CLGN: variants seen among roughly 807,000 people sequenced by gnomAD.
The protein encoded by CLGN is calmegin.
Under a neutral mutation model 79.1 loss-of-function variants are expected in CLGN, and 62 were observed. The ratio of observed to expected loss-of-function variants is 0.78; its 90% CI spans 0.64 to 0.97. CLGN has a LOEUF of 0.97. Ranked by LOEUF, CLGN falls within the 50% of genes least tolerant of loss-of-function variation. CLGN has a pLI of 0.00. For missense variants in CLGN, 647 were observed against 715.5 expected, an observed-to-expected ratio of 0.90 and a Z score of 1.09; for synonymous variants, 225 against 224.7, an observed-to-expected ratio of 1.00 and a Z score of -0.01.
At position 140,400,544 on chromosome 4, in the gene CLGN, G is replaced by A; in HGVS notation, c.507C>T (p.Asn169=). Reference sequence around the variant, plus strand: ...TGATATAGGATGTTTTATCATAAAAGTTTTCCTTCAAAGAGAGATGAGTGT... The same window carrying A: ...TGATATAGGATGTTTTATCATAAAAATTTTCCTTCAAAGAGAGATGAGTGT... ...LADTDDLILE[N]FYDKTSYIIM... is the part of the protein sequence containing the mutation. The change falls in exon 7 of 15, where the codon AAC becomes AAT. Residue 169 remains asparagine (N), a synonymous_variant. Transcript: ENST00000325617. The A allele has an allele frequency of 6.3e-7, 1 of 1,583,038 alleles. No individual in the cohort carries two copies. The highest frequency in any genetic ancestry group is 8.6e-7 in the Non-Finnish European group (1 of 1,160,574).
chr4:140,390,506 G>A (rs2126612107), intron 14 of CLGN, 122 bp downstream of exon 14: 1 of 533,966 alleles, frequency 1.9e-6, no homozygotes, highest in Non-Finnish European at 3.2e-6. Flanking sequence ...ACAATATAGA[G>A]GCTCTTATAA....
chr4:140,402,153 T>C (rs1729011950), intron 5 of CLGN, 87 bp from the exon 6 acceptor site: 3 of 667,722 alleles, frequency 4.5e-6, no homozygotes, highest in East Asian at 6.3e-5. Flanking sequence ...TCTCAATTCA[T>C]GTAAGTATAA....
chr4:140,399,914 T>TA (rs1479313234), intron 7 of CLGN, among the ~76,000 whole-genome samples: 2 of 152,224 alleles, frequency 1.3e-5, no homozygotes, highest in African/African-American at 4.8e-5. Context: ...GCCTACAGAA[T>TA]AAAGTCTAAA....
At chr4:140,405,323 T>C (rs960147884) in intron 5 of CLGN, among the ~76,000 whole-genome samples, 7 of 149,074 alleles carry the variant, frequency 4.7e-5, no homozygotes, top group African/African-American at 1.7e-4. Flanking sequence ...TAGCTGGGAC[T>C]ACAGGCGCCC....
intron 4 of CLGN, among the ~76,000 whole-genome samples, chr4:140,407,586 C>CAAAA (rs33994946): frequency 1.3e-3 from 162 of 127,786 alleles, no homozygotes; most frequent in African/African-American, 4.4e-3. Context: ...ACAATGGCTG[C>CAAAA]AAAAAAAAAA....
At position 140,400,471 on chromosome 4, in the gene CLGN, T is replaced by G. The variant is rs1415488190; in HGVS notation, c.580A>C (p.Ile194Leu). The change falls in exon 7 of 15, where the codon ATC (isoleucine) becomes CTC (leucine). Residue 194 changes from isoleucine (I) to leucine (L), a missense_variant. Ile to Leu is a conservative substitution (Grantham distance 5). Transcript: ENST00000325617. ...KCGEDYKLHF[I>L]FRHKHPKTGV... Reference sequence around the variant, plus strand: ...GTTTTGGGATGTTTATGTCTGAAGATAAAATGAAGTTTATAATCTTCTCCA... The same window carrying G: ...GTTTTGGGATGTTTATGTCTGAAGAGAAAATGAAGTTTATAATCTTCTCCA... The G allele has an allele frequency of 2.5e-6, 4 of 1,606,050 alleles. No homozygotes were observed. The African/African-American group carries it at 5.4e-5, about 21-fold the overall frequency.
chr4:140,405,545 A>G (rs910222177), intron 5 of CLGN, among the ~76,000 whole-genome samples: 1 of 152,340 alleles, frequency 6.6e-6, no homozygotes, highest in African/African-American at 2.4e-5. Flanking sequence ...TATATAGTTT[A>G]TGACAGCAGA....
rs750176046 is a variant in CLGN, at chr4:140,406,095, A to G, written c.278-12T>C. The stretch of plus-strand genomic sequence containing the variant: ...AATTTCCCATCTTCCTAAAAAATAA[A>G]GCAAAGCAAATTAAACTAAAACAGA... On this transcript the variant is annotated splice_polypyrimidine_tract_variant and intron_variant, in intron 4 of 14. Transcript: ENST00000325617. 3.7e-6 allele frequency: 6 copies of G among 1,610,724 alleles called. No individual in the cohort carries two copies. The Admixed American group carries it at 1.0e-4, about 27-fold the overall frequency.
intron 6 of CLGN, among the ~76,000 whole-genome samples, chr4:140,401,420 C>T (rs773798931): frequency 6.6e-6 from 1 of 152,102 alleles, no homozygotes; most frequent in East Asian, 1.9e-4. Context: ...AAATATACCC[C>T]TGATGTCTCA....
intron 8 of CLGN, among the ~76,000 whole-genome samples, chr4:140,396,900 T>TAC (rs1728896270): frequency 1.6e-5 from 1 of 60,900 alleles, no homozygotes; most frequent in Non-Finnish European, 3.7e-5. Context: ...TGTATATATA[T>TAC]ATATATGTAT....
Position 140,389,114 on chromosome 4 carries a change from T to G in CLGN, c.*110A>C. On this transcript the variant is annotated 3_prime_UTR_variant, in exon 15 of 15. Transcript: ENST00000325617. ...ATAAATGTCTGAAAGAATATAATGTTGCTAGATATTAGAAACAGGATGTGC... is the reference window on the plus strand; with the variant it reads ...ATAAATGTCTGAAAGAATATAATGTGGCTAGATATTAGAAACAGGATGTGC... 1 of 785,022 alleles carries G rather than the reference T, an allele frequency of 1.3e-6. No homozygotes were observed. The highest frequency in any genetic ancestry group is 2.1e-6 in the Non-Finnish European group (1 of 468,668). The allele number at this position is 785,022 out of a possible 1,614,324, so 48.6% of individuals were successfully genotyped here. A position where few individuals can be genotyped will look rare whatever the true frequency, so the allele number is the denominator to read the frequency against.
At position 140,398,881 on chromosome 4, in the gene CLGN, G is replaced by C; in HGVS notation, c.854C>G (p.Pro285Arg). 6.2e-7 allele frequency: 1 copy of C among 1,613,830 alleles called. No homozygotes were observed. The highest frequency in any genetic ancestry group is 2.2e-5 in the East Asian group (1 of 44,824). The change falls in exon 8 of 15, where the codon CCT (proline) becomes CGT (arginine). Residue 285 changes from proline to arginine, a missense_variant. By Grantham distance (103) the Pro-to-Arg change is moderately radical. Coordinates refer to ENST00000325617, the MANE Select transcript of CLGN (RefSeq NM_004362.3). Reference protein sequence around the residue: ...PEEWDERAKIPDPSAVKPEDW... With the variant: ...PEEWDERAKIRDPSAVKPEDW... ...TTCTGGTTTGACGGCAGAAGGATCA[G>C]GAATTTTTGCTCTTTCATCCCATTC...
chr4:140,396,402 T>C (rs751459250), intron 8 of CLGN, among the ~76,000 whole-genome samples, 197 bp from the exon 9 acceptor site: 7 of 152,224 alleles, frequency 4.6e-5, no homozygotes, highest in Non-Finnish European at 1.0e-4. Context: ...TATGCATACA[T>C]GCACACACGT....
In CLGN at chr4:140,409,907, G is replaced by A; in HGVS notation, c.219-12C>T. 6.3e-7 allele frequency: 1 copy of A among 1,579,830 alleles called. No homozygotes were observed. The highest frequency in any genetic ancestry group is 8.7e-7 in the Non-Finnish European group (1 of 1,154,868). On this transcript the variant is annotated splice_polypyrimidine_tract_variant and intron_variant, in intron 3 of 14. Coordinates refer to ENST00000325617, the MANE Select transcript of CLGN (RefSeq NM_004362.3). ...TTGATAAGACCCATCTGTAAATAAAGTTGAACATACATATATGTCATTGAC... is the reference window on the plus strand; with the variant it reads ...TTGATAAGACCCATCTGTAAATAAAATTGAACATACATATATGTCATTGAC...
intron 2 of CLGN, among the ~76,000 whole-genome samples, chr4:140,411,668 A>G (rs952806079): frequency 6.6e-6 from 1 of 152,050 alleles, no homozygotes; most frequent in Non-Finnish European, 1.5e-5. Flanking sequence ...CTGTCTGTTT[A>G]AGGGAGGGAA....
At chr4:140,406,762 C>T (rs1333859345) in intron 4 of CLGN, among the ~76,000 whole-genome samples, 1 of 152,156 alleles carries the variant, frequency 6.6e-6, no homozygotes, top group African/African-American at 2.4e-5. Context: ...AGATTATGGG[C>T]CACATACAAT....
Position 140,400,352 on chromosome 4 carries a change from T to A in CLGN, c.694+5A>T. ...TGAATACATGAATGAATTAAAAGGG[T>A]ATACCAAGGGTATAAAGATGAGTCT... is the stretch of plus-strand genomic sequence containing the variant. On this transcript the variant is annotated splice_donor_5th_base_variant and intron_variant, in intron 7 of 14. Coordinates refer to ENST00000325617, the MANE Select transcript of CLGN (RefSeq NM_004362.3). 6.3e-7 allele frequency: 1 copy of A among 1,582,202 alleles called. No homozygotes were observed. The highest frequency in any genetic ancestry group is 8.6e-7 in the Non-Finnish European group (1 of 1,157,676).
chr4:140,424,063 T>C (rs896087454), intron 1 of CLGN, among the ~76,000 whole-genome samples: 9 of 152,170 alleles, frequency 5.9e-5, no homozygotes. Flanking sequence ...TTCTAACTTT[T>C]GGGTTTCATT....
At chr4:140,399,407 G>C (rs1275824367) in intron 7 of CLGN, among the ~76,000 whole-genome samples, 2 of 152,096 alleles carry the variant, frequency 1.3e-5, no homozygotes, top group African/African-American at 4.8e-5. Flanking sequence ...AGTGTTGTAA[G>C]TATAACAAAA....
Sources: allele counts gnomAD v4.1 joint callset (sites outside exome capture counted in the v4.1 genomes callset), GRCh38; gene constraint gnomAD v4.1.1; transcripts MANE v1.5; gene names NCBI Gene and HGNC (gene_info 2026-07-23, HGNC 2026-07-21).